Variants in LTN1 observed in about 807,000 individuals in gnomAD.
LTN1 encodes E3 ubiquitin-protein ligase listerin.
A neutral mutation model predicts 201.2 loss-of-function variants in LTN1; 88 were observed. The observed-to-expected ratio is 0.44, with a 90% confidence interval of 0.37 to 0.52. The LOEUF (loss-of-function observed/expected upper bound fraction) is 0.52. Among genes scored for constraint, LTN1 ranks in the 20% least tolerant of loss-of-function variants. The pLI is 0.00. For synonymous variants in LTN1, 645 were observed against 713.5 expected (o/e 0.90, Z 1.53); for missense variants, 1,752 against 2,038.7 (o/e 0.86, Z 2.71).
At chr21:28,954,803 A>C (rs915263095) in intron 16 of LTN1, among the ~76,000 whole-genome samples, 4 of 152,216 alleles carry the variant, frequency 2.6e-5, no homozygotes, top group African/African-American at 9.6e-5. Context: ...TGGATTAGAG[A>C]CTTAAACCTA....
At chr21:28,954,474 C>A (rs1341092550) in intron 16 of LTN1, among the ~76,000 whole-genome samples, 1 of 151,990 alleles carries the variant, frequency 6.6e-6, no homozygotes, top group African/African-American at 2.4e-5. Flanking sequence ...TCTTAGGGTT[C>A]AACATTTGAA....
chr21:28,939,613 G>T (rs1265324802), intron 25 of LTN1, among the ~76,000 whole-genome samples: 4 of 152,090 alleles, frequency 2.6e-5, no homozygotes, highest in Non-Finnish European at 5.9e-5. Flanking sequence ...CCACAGCTCA[G>T]TTCAAGTTTC....
chr21:28,970,410 A>AT, intron 8 of LTN1, 142 bp downstream of exon 8: 1 of 645,984 alleles, frequency 1.5e-6, no homozygotes, highest in East Asian at 2.8e-5. Context: ...CAAGAAAAAA[A>AT]TATCAATTGT....
chr21:28,971,366 C>G lies in LTN1; in HGVS notation c.889G>C (p.Val297Leu), dbSNP rs2084573137. ...PQLMKEEASK[V>L]SPSVLLSIDD... ...ATGCTAAGTAGAACTGATGGGCTCA[C>G]TTTGGATGCTTCCTCTTTCATCAAC... is the stretch of plus-strand genomic sequence containing the variant. The change falls in exon 7 of 30, where the codon GTG becomes CTG. Residue 297 changes from valine (V) to leucine (L), a missense_variant. Around this residue, in one of 3 missense-constraint regions of LTN1, gnomAD observed 280 missense variants for 375.7 expected, o/e 0.75. Coordinates refer to ENST00000361371, the MANE Select transcript of LTN1 (RefSeq NM_015565.3). 1.2e-6 allele frequency: 2 copies of G among 1,614,076 alleles called. No individual in the cohort carries two copies. Among genetic ancestry groups the G allele is most frequent in the African/African-American group, 2.7e-5 (2 of 75,050 alleles).
intron 6 of LTN1, among the ~76,000 whole-genome samples, chr21:28,975,476 T>A (rs959874132): frequency 9.9e-5 from 15 of 152,194 alleles, no homozygotes; most frequent in Non-Finnish European, 2.2e-4. Context: ...ACATTTTCCA[T>A]AGGGAGATAC....
In LTN1 at chr21:28,943,259, TA is replaced by T; in HGVS notation, c.4295+2del. On this transcript the variant is annotated splice_donor_variant, in intron 24 of 29. Transcript: ENST00000361371. LOFTEE classifies it high-confidence loss of function. The stretch of plus-strand genomic sequence containing the variant: ...TAAAACAAATTATTTAAAAAAACCT[TA>T]CAAGGCTGGCTCTTCTTCTTCATCT... 6.3e-7 allele frequency: 1 copy of T among 1,582,702 alleles called. No individual in the cohort carries two copies.
In LTN1 at chr21:28,981,901, T is replaced by C. The variant is rs575981622; in HGVS notation, c.629+415A>G. On this transcript the variant is annotated intron_variant, in intron 5 of 29. Coordinates refer to ENST00000361371, the MANE Select transcript of LTN1 (RefSeq NM_015565.3). ...ATTATGTTATTTTCATCTCTACATA[T>C]ATTATTCCTTCTTTTTAAAAATGTC... Among the ~76,000 whole-genome samples the C allele has an allele frequency of 3.9e-5, 6 of 152,330 alleles. No individual in the cohort carries two copies. The East Asian group carries it at 5.8e-4, about 15-fold the overall frequency.
intron 5 of LTN1, among the ~76,000 whole-genome samples, chr21:28,981,754 G>A (rs904186505): frequency 6.6e-6 from 1 of 152,130 alleles, no homozygotes; most frequent in African/African-American, 2.4e-5. Context: ...AAAAAGTAAA[G>A]AAGGAAACAT....
intron 27 of LTN1, 27 bp from the exon 28 acceptor site, chr21:28,932,691 T>C (rs756392294): frequency 2.0e-6 from 3 of 1,530,334 alleles, no homozygotes; most frequent in Non-Finnish European, 2.7e-6. Flanking sequence ...GATATTTTGT[T>C]TGCCAAATTT....
In LTN1 at chr21:28,967,115, TG is replaced by T; in HGVS notation, c.1375del (p.His459IlefsTer2). Reference sequence around the variant, plus strand: ...CCAGGAACTTAGAGTTTCTGCTAAATGGTTAAATAGCTGCCCATGTTGCAAT... The same window carrying T: ...CCAGGAACTTAGAGTTTCTGCTAAATGTTAAATAGCTGCCCATGTTGCAAT... The part of the protein sequence containing the change: ...PGLQHGQLFN[H>X]LAETLSSWEA... On this transcript the variant is annotated frameshift_variant, in exon 10 of 30. Coordinates refer to ENST00000361371, the MANE Select transcript of LTN1 (RefSeq NM_015565.3). LOFTEE classifies it high-confidence loss of function. 1 of 1,614,120 alleles carries T rather than the reference TG, an allele frequency of 6.2e-7. No individual in the cohort carries two copies. The highest frequency in any genetic ancestry group is 8.5e-7 in the Non-Finnish European group (1 of 1,179,998).
rs2146247690 is a variant in LTN1 at position 28,929,459 on chromosome 21, C to A, written c.*989G>T. ...ACCTAGTGCTAAAATCCTTAACTTT[C>A]ATTTCTGAAGGCTGAAAAACATTTG... On this transcript the variant is annotated 3_prime_UTR_variant, in exon 30 of 30. Transcript: ENST00000361371. 1 of 152,448 alleles carries A rather than the reference C, an allele frequency of 6.6e-6. No homozygotes were observed. The highest frequency in any genetic ancestry group is 1.9e-4 in the East Asian group (1 of 5,174). The allele number at this position is 152,448 out of a possible 1,614,324, so 9.4% of individuals were successfully genotyped here.
chr21:28,930,533 T>C, intron 29 of LTN1, 23 bp from the exon 30 acceptor site: 2 of 1,538,202 alleles, frequency 1.3e-6, no homozygotes, highest in Non-Finnish European at 1.8e-6. Context: ...AGGTTTTAAA[T>C]ACTAAAAGAA....
In LTN1 at chr21:28,986,368, T is replaced by C. The variant is rs2084698546; in HGVS notation, c.247-131A>G. ...TATTTCTCTTTATGCCATATGAGAC[T>C]AGTTTGAAGAGCTCTTTCACAGGCT... On this transcript the variant is annotated intron_variant, in intron 2 of 29. Coordinates refer to ENST00000361371, the MANE Select transcript of LTN1 (RefSeq NM_015565.3). The surrounding 1 kb of genome is among the most constrained non-coding windows in gnomAD (Gnocchi z 4.1). 34 of 696,036 alleles carry C rather than the reference T, an allele frequency of 4.9e-5. 2 individuals carry two copies. In the South Asian group the frequency reaches 5.2e-4, roughly 11 times the overall value. The allele number at this position is 696,036 out of a possible 1,614,324, so 43.1% of individuals were successfully genotyped here.
chr21:28,949,662 T>C (rs2084367736), intron 18 of LTN1, among the ~76,000 whole-genome samples: 1 of 152,254 alleles, frequency 6.6e-6, no homozygotes, highest in Non-Finnish European at 1.5e-5. Context: ...GTATGTAGCA[T>C]GTCAGAATTT....
At chr21:28,932,793 C>G (rs1034821032) in intron 27 of LTN1, 129 bp from the exon 28 acceptor site, 6 of 602,790 alleles carry the variant, frequency 1.0e-5, no homozygotes, top group Non-Finnish European at 1.7e-5. Flanking sequence ...ATTCACTTAT[C>G]TGACATGAGA....
At chr21:28,939,679 C>A (rs951172294) in intron 25 of LTN1, among the ~76,000 whole-genome samples, 2 of 152,108 alleles carry the variant, frequency 1.3e-5, no homozygotes, top group African/African-American at 4.8e-5. Context: ...CCAATCCCAG[C>A]TTAATGAAAA....
At chr21:28,952,319 T>C in intron 17 of LTN1, 55 bp from the exon 18 acceptor site, 1 of 1,071,060 alleles carries the variant, frequency 9.3e-7, no homozygotes, top group Non-Finnish European at 1.4e-6. Flanking sequence ...CTGAATAAAA[T>C]GTTTAAACAC....
chr21:28,940,744 G>T (rs1310620830), intron 25 of LTN1, among the ~76,000 whole-genome samples: 3 of 152,178 alleles, frequency 2.0e-5, no homozygotes, highest in Non-Finnish European at 2.9e-5. Flanking sequence ...TGGAAGGTAA[G>T]GTATAAGGGA....
At chr21:28,989,193 G>A (rs545061261) in intron 1 of LTN1, among the ~76,000 whole-genome samples, 9 of 151,998 alleles carry the variant, frequency 5.9e-5, no homozygotes, top group African/African-American at 1.2e-4. Context: ...ATGTGTAAAC[G>A]GTTTTATTAT....
Sources: allele counts gnomAD v4.1 joint callset (sites outside exome capture counted in the v4.1 genomes callset), GRCh38; gene constraint gnomAD v4.1.1; regional missense constraint gnomAD v4.1.1; non-coding constraint Gnocchi (gnomAD v3.1); transcripts MANE v1.5; gene names NCBI Gene and HGNC (gene_info 2026-07-23, HGNC 2026-07-21).